The following GSTA2 variants were observed in gnomAD, a reference collection of about 807,000 sequenced individuals.
GSTA2 encodes glutathione S-transferase A2.
In GSTA2, 27 loss-of-function variants were observed where a neutral mutation model predicts 22.4. That is an observed-to-expected ratio of 1.21 (90% confidence interval 0.89 to 1.67). The LOEUF (loss-of-function observed/expected upper bound fraction) is 1.67, where lower values mean the gene tolerates loss of function less well. Ranked by LOEUF, GSTA2 falls within the 40% of genes most tolerant of loss-of-function variation. GSTA2 has a pLI of 0.00. For synonymous variants in GSTA2, 121 were observed against 86.8 expected, an observed-to-expected ratio of 1.39 and a Z score of -2.19; for missense variants, 302 against 260.2, an observed-to-expected ratio of 1.16 and a Z score of -1.11.
At chr6:52,756,402 A>C (rs1012521757) in intron 2 of GSTA2, 93 bp from the exon 3 acceptor site, 3 of 1,041,260 alleles carry the variant, frequency 2.9e-6, no homozygotes, top group Non-Finnish European at 3.0e-6. Context: ...TCATTTGGAG[A>C]ATATAAGATT....
chr6:52,752,937 A>C lies in GSTA2; in HGVS notation c.331T>G (p.Phe111Val). 6.2e-7 allele frequency: 1 copy of C among 1,613,984 alleles called. No homozygotes were observed. The highest frequency in any genetic ancestry group is 8.5e-7 in the Non-Finnish European group (1 of 1,179,860). Residue 111 changes from phenylalanine to valine, a missense_variant, in exon 5 of 7, where the codon TTT becomes GTT. Physicochemically the swap from Phe to Val is conservative, Grantham distance 50. Transcript: ENST00000493422. ...GCATCTTGTTCCTCAGGTTGACTAA[A>C]GGGCAGAAGAAGGATCATTTCACCC... ...DLGEMILLLP[F>V]SQPEEQDAKL...
intron 1 of GSTA2, among the ~76,000 whole-genome samples, chr6:52,758,814 G>C (rs1234022644): frequency 6.6e-6 from 1 of 152,180 alleles, no homozygotes; most frequent in African/African-American, 2.4e-5. Flanking sequence ...TATGGAAGGA[G>C]CTAGCATTTG....
intron 5 of GSTA2, among the ~76,000 whole-genome samples, chr6:52,752,057 G>A (rs1762748639): frequency 6.6e-6 from 1 of 152,128 alleles, no homozygotes; most frequent in African/African-American, 2.4e-5. Flanking sequence ...TCACATTCAG[G>A]ATGTGGCTCT....
At chr6:52,756,419 T>C (rs1762847012) in intron 2 of GSTA2, 110 bp from the exon 3 acceptor site, 2 of 899,636 alleles carry the variant, frequency 2.2e-6, no homozygotes, top group South Asian at 1.5e-5. Context: ...GATTTCTGAG[T>C]TTGGCAGGGT....
At position 52,754,887 on chromosome 6, in the gene GSTA2, A is replaced by G; in HGVS notation, c.272+56T>C. The stretch of plus-strand genomic sequence containing the variant: ...TGCCATGGTCCCACCCACTCAAGGA[A>G]GGACCTAAATCACTCTATGTTCTCT... On this transcript the variant is annotated intron_variant, in intron 4 of 6. Transcript: ENST00000493422. 3 of 1,608,322 alleles carry G rather than the reference A, an allele frequency of 1.9e-6. No individual in the cohort carries two copies. In the South Asian group the frequency reaches 3.3e-5, roughly 18 times the overall value.
chr6:52,756,621 A>G (rs1762850491), intron 2 of GSTA2, among the ~76,000 whole-genome samples: 1 of 152,202 alleles, frequency 6.6e-6, no homozygotes, highest in African/African-American at 2.4e-5. Flanking sequence ...TCTTCTAGTT[A>G]TGGTGTTGTC....
At chr6:52,755,214 AC>A in intron 3 of GSTA2, 139 bp from the exon 4 acceptor site, 2 of 874,030 alleles carry the variant, frequency 2.3e-6, no homozygotes, top group Non-Finnish European at 1.6e-6. Flanking sequence ...ACTTGAAACA[AC>A]TTTTTTTTTT....
intron 4 of GSTA2, among the ~76,000 whole-genome samples, chr6:52,753,675 A>G (rs936037924): frequency 6.6e-6 from 1 of 152,190 alleles, no homozygotes; most frequent in African/African-American, 2.4e-5. Context: ...TTTGTGTCAA[A>G]CTGGAGTTTC....
chr6:52,762,119 A>G (rs537888434), intron 1 of GSTA2, among the ~76,000 whole-genome samples: 8 of 148,708 alleles, frequency 5.4e-5, no homozygotes, highest in African/African-American at 2.1e-4. Context: ...GACACAAAAC[A>G]CTGCGGAAGG....
Position 52,757,917 on chromosome 6 carries a change from T to A in GSTA2, c.31A>T (p.Asn11Tyr). 6.2e-7 allele frequency: 1 copy of A among 1,613,692 alleles called. No homozygotes were observed. The highest frequency in any genetic ancestry group is 1.7e-5 in the Admixed American group (1 of 59,990). The change falls in exon 2 of 7, where the codon AAT becomes TAT. Residue 11 changes from asparagine (N) to tyrosine (Y), a missense_variant. Physicochemically the swap from Asn to Tyr is moderately radical, Grantham distance 143. Transcript: ENST00000493422. ...ATGGACTCCATTCTGCCCCGTATAT[T>A]GGAGTAGTGGAGCTTGGGCTTCTCT... The part of the protein sequence containing the change: MAEKPKLHYS[N>Y]IRGRMESIRW...
At chr6:52,752,810 G>T in intron 5 of GSTA2, 44 bp downstream of exon 5, 2 of 1,611,218 alleles carry the variant, frequency 1.2e-6, no homozygotes, top group Non-Finnish European at 1.7e-6. Flanking sequence ...TTTTCTACTG[G>T]CTTCTAAACT....
At chr6:52,756,398 G>A (rs1237144452) in intron 2 of GSTA2, 89 bp from the exon 3 acceptor site, 4 of 1,065,406 alleles carry the variant, frequency 3.8e-6, no homozygotes, top group Non-Finnish European at 5.7e-6. Flanking sequence ...TGCATCATTT[G>A]GAGAATATAA....
chr6:52,757,789 T>C (rs1762873267), intron 2 of GSTA2, 72 bp downstream of exon 2: 4 of 1,281,390 alleles, frequency 3.1e-6, no homozygotes, highest in South Asian at 1.2e-5. Context: ...AATCATCTCA[T>C]AGTTTCTGTG....
Position 52,756,277 on chromosome 6 carries a change from A to G in GSTA2, c.120T>C (p.Asp40=), listed in dbSNP as rs141758802. The change falls in exon 3 of 7, where the codon GAT becomes GAC. Residue 40 remains aspartate (D), a synonymous_variant. Transcript: ENST00000493422. Reference sequence around the variant, plus strand: ...TCTTACCATTTCTTAACTTGTCCAAATCTTCTGCAGATTTTATAAATTTCT... The same window carrying G: ...TCTTACCATTTCTTAACTTGTCCAAGTCTTCTGCAGATTTTATAAATTTCT... The part of the protein sequence containing the change: ...FEEKFIKSAE[D]LDKLRNDGYL... 3.1e-6 allele frequency: 5 copies of G among 1,604,312 alleles called. No individual in the cohort carries two copies. In the African/African-American group the frequency reaches 6.7e-5, roughly 21 times the overall value.
chr6:52,751,114 C>T (rs1762727271), intron 6 of GSTA2, among the ~76,000 whole-genome samples: 1 of 151,016 alleles, frequency 6.6e-6, no homozygotes, highest in South Asian at 2.1e-4. Context: ...CACCTTTTCT[C>T]AGTGAGAGAT....
In GSTA2 at chr6:52,756,324, A is replaced by T. The variant is rs769467166; in HGVS notation, c.88-15T>A. The T allele has an allele frequency of 1.9e-6, 3 of 1,585,960 alleles. No homozygotes were observed. In the South Asian group the frequency reaches 3.3e-5, roughly 18 times the overall value. ...TTCTCTTCAAACTGGAAGCAGAAAC[A>T]GTAAATATGTTCTTGTTAGTTCATT... On this transcript the variant is annotated splice_polypyrimidine_tract_variant and intron_variant, in intron 2 of 6. Coordinates refer to ENST00000493422, the MANE Select transcript of GSTA2 (RefSeq NM_000846.5).
At chr6:52,752,008 G>A (rs551061826) in intron 5 of GSTA2, among the ~76,000 whole-genome samples, 8 of 152,276 alleles carry the variant, frequency 5.3e-5, no homozygotes, top group South Asian at 2.1e-4. Flanking sequence ...ACCTGCCGCC[G>A]CATGTTCTGT....
Position 52,759,563 on chromosome 6 carries a change from G to GTTTTTTTTTTTTTT in GSTA2, c.-30-1600_-30-1587dup, listed in dbSNP as rs70977382. Among the ~76,000 whole-genome samples the GTTTTTTTTTTTTTT allele has an allele frequency of 1.8e-4, 6 of 34,198 alleles. 1 individual carries two copies. Among genetic ancestry groups the GTTTTTTTTTTTTTT allele is most frequent in the Admixed American group, 4.8e-4 (1 of 2,094 alleles). 22.4% of individuals were successfully genotyped at this position (34,198 alleles called of 152,430 possible). ...CCTTTAACAACTAATGTATTTATTT[G>GTTTTTTTTTTTTTT]TTTTTTTTTTTTTTTTTTTTTTTTT... is the stretch of plus-strand genomic sequence containing the variant. On this transcript the variant is annotated intron_variant, in intron 1 of 6. Coordinates refer to ENST00000493422, the MANE Select transcript of GSTA2 (RefSeq NM_000846.5).
intron 1 of GSTA2, among the ~76,000 whole-genome samples, chr6:52,763,184 C>T (rs1176920548): frequency 1.2e-4 from 18 of 152,022 alleles, no homozygotes; most frequent in Admixed American, 1.2e-3. Context: ...TCTTTTTTCT[C>T]CTCATGTCAT....
Sources: allele counts gnomAD v4.1 joint callset (sites outside exome capture counted in the v4.1 genomes callset), GRCh38; gene constraint gnomAD v4.1.1; transcripts MANE v1.5; gene names NCBI Gene and HGNC (gene_info 2026-07-23, HGNC 2026-07-21).